The following GFRA2 variants were observed in gnomAD, a reference collection of about 807,000 sequenced individuals.
GFRA2 encodes GDNF family receptor alpha 2.
GFRA2 carries 17 observed loss-of-function variants against 48.3 expected under a neutral mutation model. The observed-to-expected ratio is 0.35, with a 90% CI of 0.24 to 0.53. The LOEUF is 0.53. Among genes scored for constraint, GFRA2 ranks in the 20% least tolerant of loss-of-function variants. The probability of loss-of-function intolerance (pLI) is 0.93; values close to 1 mark genes in which losing one functional copy is unlikely to be tolerated. For synonymous variants in GFRA2, 305 were observed against 257.2 expected (o/e 1.19, Z -1.78); for missense variants, 660 against 637.3 (o/e 1.04, Z -0.38).
chr8:21,799,867 C>A (rs1212222143), intron 2 of GFRA2, among the ~76,000 whole-genome samples: 8 of 152,184 alleles, frequency 5.3e-5, no homozygotes, highest in Non-Finnish European at 1.0e-4. Flanking sequence ...CCAAGCAAGG[C>A]TCTCGGGGTG....
intron 3 of GFRA2, among the ~76,000 whole-genome samples, chr8:21,771,454 G>A (rs1376765953): frequency 1.3e-5 from 2 of 152,046 alleles, no homozygotes; most frequent in African/African-American, 2.4e-5. Context: ...TCCCTCCTTC[G>A]CCCTGGACTC....
chr8:21,775,821 G>A (rs1806666431), intron 2 of GFRA2, among the ~76,000 whole-genome samples: 1 of 152,140 alleles, frequency 6.6e-6, no homozygotes, highest in African/African-American at 2.4e-5. Flanking sequence ...GGGGGCTCAG[G>A]AATGGAAAAG....
intron 4 of GFRA2, among the ~76,000 whole-genome samples, chr8:21,728,544 C>T (rs527878323): frequency 2.4e-4 from 37 of 152,100 alleles, no homozygotes; most frequent in African/African-American, 8.2e-4. Context: ...CAAACTGCTG[C>T]GAGTATATGA....
intron 4 of GFRA2, among the ~76,000 whole-genome samples, chr8:21,726,038 G>T (rs992970039): frequency 6.6e-6 from 1 of 152,160 alleles, no homozygotes; most frequent in Non-Finnish European, 1.5e-5. Context: ...CCCTTACAAG[G>T]AGGCAGCCCC....
At position 21,691,753 on chromosome 8, in the gene GFRA2, G is replaced by A. The variant is rs1007387307; in HGVS notation, c.*1525C>T. ...AGGCATTTGCGCCAACTGGAGAAGTGAGCAAAGAGGGAACAGAACAGCCCA... is the reference window on the plus strand; with the variant it reads ...AGGCATTTGCGCCAACTGGAGAAGTAAGCAAAGAGGGAACAGAACAGCCCA... On this transcript the variant is annotated 3_prime_UTR_variant, in exon 9 of 9. Transcript: ENST00000524240. 1 of 152,306 alleles carries A rather than the reference G, an allele frequency of 6.6e-6. No individual in the cohort carries two copies. Among genetic ancestry groups the A allele is most frequent in the African/African-American group, 2.4e-5 (1 of 41,464 alleles). 9.4% of individuals were successfully genotyped at this position (152,306 alleles called of 1,614,324 possible).
chr8:21,782,557 C>T, intron 2 of GFRA2, 28 bp downstream of exon 2: 1 of 1,522,640 alleles, frequency 6.6e-7, no homozygotes, highest in Non-Finnish European at 8.9e-7. Context: ...ACACCCCCTC[C>T]CCTTGGGCAA....
chr8:21,800,744 G>C (rs1208342186), intron 2 of GFRA2, among the ~76,000 whole-genome samples: 1 of 152,150 alleles, frequency 6.6e-6, no homozygotes, highest in Non-Finnish European at 1.5e-5. Context: ...AGGCAACACG[G>C]TGAGACCCCA....
At chr8:21,715,985 C>T (rs1409563190) in intron 4 of GFRA2, among the ~76,000 whole-genome samples, 1 of 152,140 alleles carries the variant, frequency 6.6e-6, no homozygotes, top group Non-Finnish European at 1.5e-5. Context: ...CCAATTGATT[C>T]TGTTTTTATT....
chr8:21,758,480 C>T (rs1165580392), intron 3 of GFRA2, among the ~76,000 whole-genome samples: 1 of 152,084 alleles, frequency 6.6e-6, no homozygotes, highest in Admixed American at 6.5e-5. Context: ...CAGGAAACTG[C>T]CCCTCATCCC....
chr8:21,729,405 C>T (rs996724999), intron 4 of GFRA2, among the ~76,000 whole-genome samples: 3 of 152,162 alleles, frequency 2.0e-5, no homozygotes, highest in Admixed American at 2.0e-4. Context: ...GGCTGCCCCT[C>T]CCCTCCAGGC....
intron 8 of GFRA2, 41 bp downstream of exon 8, chr8:21,694,423 C>A (rs1349516858): frequency 6.3e-7 from 1 of 1,585,228 alleles, no homozygotes; most frequent in East Asian, 2.3e-5. Context: ...CCCCCACCGG[C>A]CCAGCCTTCT....
At chr8:21,770,676 C>T (rs1348605304) in intron 3 of GFRA2, among the ~76,000 whole-genome samples, 18 of 152,338 alleles carry the variant, frequency 1.2e-4, no homozygotes, top group African/African-American at 4.1e-4. Flanking sequence ...GACACAGTGC[C>T]TGATGACAGC....
intron 4 of GFRA2, among the ~76,000 whole-genome samples, chr8:21,743,598 G>C (rs1169653557): frequency 2.0e-5 from 3 of 152,154 alleles, no homozygotes; most frequent in Non-Finnish European, 4.4e-5. Flanking sequence ...CGAACACAAT[G>C]CCTGGCCCAA....
intron 3 of GFRA2, among the ~76,000 whole-genome samples, chr8:21,760,331 G>A (rs2117641779): frequency 6.6e-6 from 1 of 152,342 alleles, no homozygotes; most frequent in East Asian, 1.9e-4. Flanking sequence ...ACAGGCTGCT[G>A]AAGCAGCAGA....
At chr8:21,732,052 C>T (rs1325494482) in intron 4 of GFRA2, among the ~76,000 whole-genome samples, 2 of 152,230 alleles carry the variant, frequency 1.3e-5, no homozygotes, top group African/African-American at 4.8e-5. Context: ...TGAGTCGGGC[C>T]AGGCCCTGGG....
chr8:21,756,794 C>G (rs574429044), intron 3 of GFRA2, among the ~76,000 whole-genome samples: 1 of 152,180 alleles, frequency 6.6e-6, no homozygotes, highest in African/African-American at 2.4e-5. Context: ...CTGCCCCGAT[C>G]CCCTGCACTG....
chr8:21,713,550 G>A (rs936181156), intron 4 of GFRA2, among the ~76,000 whole-genome samples: 2 of 151,918 alleles, frequency 1.3e-5, no homozygotes, highest in African/African-American at 4.8e-5. Flanking sequence ...AGAGAGCAGG[G>A]CTGAGTGTGC....
chr8:21,696,325 TTTTA>T (rs1446127539), intron 7 of GFRA2, among the ~76,000 whole-genome samples: 2 of 151,748 alleles, frequency 1.3e-5, no homozygotes, highest in Non-Finnish European at 2.9e-5. Context: ...ACAGCTCCAT[TTTTA>T]TTTGTTTTGT....
Position 21,788,133 on chromosome 8 carries a change from G to T in GFRA2, c.27C>A (p.Leu9=). MILANVFC[L]FFFLDETLRS... ...GCAGGTACTCACCTAGAAAGAAGAA[G>T]AGGCAGAAGACGTTTGCCAAGATCA... The change falls in exon 1 of 9, where the codon CTC becomes CTA. Residue 9 remains leucine (L), a synonymous_variant. Transcript: ENST00000524240. 6.4e-7 allele frequency: 1 copy of T among 1,562,508 alleles called. No homozygotes were observed. The highest frequency in any genetic ancestry group is 8.7e-7 in the Non-Finnish European group (1 of 1,149,726).
Sources: allele counts gnomAD v4.1 joint callset (sites outside exome capture counted in the v4.1 genomes callset), GRCh38; gene constraint gnomAD v4.1.1; transcripts MANE v1.5; gene names NCBI Gene and HGNC (gene_info 2026-07-23, HGNC 2026-07-21).